The following CNTNAP2 variants were observed in gnomAD, a reference collection of about 807,000 sequenced individuals.
CNTNAP2 encodes contactin-associated protein-like 2.
CNTNAP2 carries 98 observed loss-of-function variants against 155.2 expected under a neutral mutation model. The ratio of observed to expected loss-of-function variants is 0.63; its 90% CI spans 0.54 to 0.75. CNTNAP2 has a LOEUF of 0.75. Ranked by LOEUF, CNTNAP2 falls within the 30% of genes least tolerant of loss-of-function variation. The pLI is 0.00. For missense variants in CNTNAP2, 1,727 were observed against 1,688.1 expected (o/e 1.02, Z -0.40); for synonymous variants, 651 against 631.2 (o/e 1.03, Z -0.47).
chr7:146,826,517 C>T (rs958309725), intron 2 of CNTNAP2, among the ~76,000 whole-genome samples: 14 of 152,066 alleles, frequency 9.2e-5, no homozygotes, highest in Non-Finnish European at 1.8e-4. Context: ...ATTCTTATTC[C>T]CAGCTCATCA....
chr7:148,246,722 A>C lies in CNTNAP2; in HGVS notation c.3381+16943A>C, dbSNP rs78578512. On this transcript the variant is annotated intron_variant, in intron 20 of 23. Coordinates refer to ENST00000361727, the MANE Select transcript of CNTNAP2 (RefSeq NM_014141.6). ...TATTTTAAAACATCATCCAGCAAAGACTTATTGATCAATGAATGTCATTTA... is the reference window on the plus strand; with the variant it reads ...TATTTTAAAACATCATCCAGCAAAGCCTTATTGATCAATGAATGTCATTTA... Among the ~76,000 whole-genome samples, 507 of 152,348 alleles carry C rather than the reference A, an allele frequency of 3.3e-3. 5 individuals carry two copies. Among genetic ancestry groups the C allele is most frequent in the African/African-American group, 0.012 (480 of 41,574 alleles).
chr7:146,470,679 C>A (rs185163241), intron 1 of CNTNAP2, among the ~76,000 whole-genome samples: 9 of 152,186 alleles, frequency 5.9e-5, no homozygotes, highest in African/African-American at 2.2e-4. Context: ...AAGCAATGCT[C>A]CTGCCTCAGC....
At chr7:146,894,062 G>A (rs939793762) in intron 3 of CNTNAP2, among the ~76,000 whole-genome samples, 2 of 152,158 alleles carry the variant, frequency 1.3e-5, no homozygotes, top group Admixed American at 6.6e-5. Context: ...GTTGCTCACT[G>A]CAGAGGTGTC....
At chr7:146,600,076 C>A (rs1198490970) in intron 1 of CNTNAP2, among the ~76,000 whole-genome samples, 2 of 152,020 alleles carry the variant, frequency 1.3e-5, no homozygotes, top group Non-Finnish European at 2.9e-5. Flanking sequence ...GCCACCTAGA[C>A]ACATTAATTT....
chr7:146,449,103 T>G (rs1216057881), intron 1 of CNTNAP2, among the ~76,000 whole-genome samples: 1 of 152,280 alleles, frequency 6.6e-6, no homozygotes, highest in Non-Finnish European at 1.5e-5. Flanking sequence ...CCCTATACAT[T>G]CTACTGTTGA....
At chr7:147,484,801 G>A (rs1798483007) in intron 10 of CNTNAP2, among the ~76,000 whole-genome samples, 2 of 152,218 alleles carry the variant, frequency 1.3e-5, no homozygotes, top group South Asian at 2.1e-4. Flanking sequence ...TGATAAAGGG[G>A]TGGCTCTTTA....
intron 1 of CNTNAP2, among the ~76,000 whole-genome samples, chr7:146,276,077 C>T (rs1466427327): frequency 6.6e-6 from 1 of 152,172 alleles, no homozygotes; most frequent in East Asian, 1.9e-4. Flanking sequence ...AACATGCTAA[C>T]CACATTCCTA....
rs17237793 is a variant in CNTNAP2, at chr7:147,922,637, A to T, written c.2255+18916A>T. On this transcript the variant is annotated intron_variant, in intron 14 of 23. Coordinates refer to ENST00000361727, the MANE Select transcript of CNTNAP2 (RefSeq NM_014141.6). ...TGAAGTGCTTTGTCTAGGCCAACTG[A>T]TGCAGTCCACAGAGTCTAAAGACCA... Among the ~76,000 whole-genome samples the T allele has an allele frequency of 6.3e-3, 953 of 152,304 alleles. 7 individuals carry two copies. Among genetic ancestry groups the T allele is most frequent in the Middle Eastern group, 0.02 (6 of 294 alleles).
At chr7:147,368,278 A>C (rs138742745) in intron 9 of CNTNAP2, among the ~76,000 whole-genome samples, 1 of 152,100 alleles carries the variant, frequency 6.6e-6, no homozygotes, top group Non-Finnish European at 1.5e-5. Flanking sequence ...CATTCTGGAC[A>C]GCTGGTCAAC....
At chr7:146,558,745 C>T (rs530132435) in intron 1 of CNTNAP2, among the ~76,000 whole-genome samples, 16 of 152,320 alleles carry the variant, frequency 1.1e-4, no homozygotes, top group African/African-American at 3.8e-4. Context: ...CTTTAACTAA[C>T]ACTATCTTCT....
rs575366745 is a variant in CNTNAP2 at position 146,322,477 on chromosome 7, C to G, written c.97+205504C>G. ...CTAAATGTTCAGGGAAGGTTTTCTTCCAGGTATTGTTGCTTGTATCCTAGA... is the reference window on the plus strand; with the variant it reads ...CTAAATGTTCAGGGAAGGTTTTCTTGCAGGTATTGTTGCTTGTATCCTAGA... On this transcript the variant is annotated intron_variant, in intron 1 of 23. Coordinates refer to ENST00000361727, the MANE Select transcript of CNTNAP2 (RefSeq NM_014141.6). 5.9e-5 allele frequency among the ~76,000 whole-genome samples: 9 copies of G among 152,100 alleles called. No individual in the cohort carries two copies. The East Asian group carries it at 1.4e-3, about 23-fold the overall frequency.
intron 3 of CNTNAP2, among the ~76,000 whole-genome samples, chr7:146,999,787 C>T (rs145803782): frequency 1.0e-3 from 155 of 152,080 alleles, no homozygotes; most frequent in African/African-American, 3.1e-3. Context: ...TTTGCTTCTT[C>T]GCTCCTGCTG....
chr7:148,000,672 A>T (rs1460841922), intron 15 of CNTNAP2, among the ~76,000 whole-genome samples: 1 of 152,196 alleles, frequency 6.6e-6, no homozygotes, highest in Non-Finnish European at 1.5e-5. Context: ...CTTTTGTATA[A>T]CAAGAGAAAG....
chr7:147,580,537 G>A (rs1167830134), intron 12 of CNTNAP2, among the ~76,000 whole-genome samples: 3 of 142,416 alleles, frequency 2.1e-5, no homozygotes, highest in Admixed American at 7.3e-5. Flanking sequence ...ATGACAGTTC[G>A]AACATTTCCT....
At chr7:147,600,752 C>T (rs986219337) in intron 12 of CNTNAP2, among the ~76,000 whole-genome samples, 1 of 152,060 alleles carries the variant, frequency 6.6e-6, no homozygotes, top group Non-Finnish European at 1.5e-5. Flanking sequence ...CTGCCTTTGA[C>T]CTTCCCTTTC....
At chr7:146,500,475 G>A (rs1160435962) in intron 1 of CNTNAP2, among the ~76,000 whole-genome samples, 3 of 152,114 alleles carry the variant, frequency 2.0e-5, no homozygotes, top group African/African-American at 7.2e-5. Context: ...TAAATGAGGG[G>A]CCTGGAGTCT....
chr7:147,772,025 A>G (rs1797477878), intron 13 of CNTNAP2, among the ~76,000 whole-genome samples: 1 of 152,128 alleles, frequency 6.6e-6, no homozygotes, highest in African/African-American at 2.4e-5. Flanking sequence ...AATTTCAGTG[A>G]GAGACTTCTT....
chr7:146,736,929 A>T (rs1801630687), intron 1 of CNTNAP2, among the ~76,000 whole-genome samples: 1 of 151,792 alleles, frequency 6.6e-6, no homozygotes, highest in Non-Finnish European at 1.5e-5. Context: ...ATACACACAT[A>T]TATATATATA....
intron 1 of CNTNAP2, among the ~76,000 whole-genome samples, chr7:146,432,149 A>T (rs184358868): frequency 7.7e-4 from 118 of 152,272 alleles, no homozygotes; most frequent in Non-Finnish European, 1.5e-3. Context: ...TCAAACTCAG[A>T]TGATTCAATT....
Sources: allele counts gnomAD v4.1 joint callset (sites outside exome capture counted in the v4.1 genomes callset), GRCh38; gene constraint gnomAD v4.1.1; transcripts MANE v1.5; gene names NCBI Gene and HGNC (gene_info 2026-07-23, HGNC 2026-07-21).